The following SORBS2 variants were observed in gnomAD, a reference collection of about 807,000 sequenced individuals.
SORBS2 encodes sorbin and SH3 domain-containing protein 2.
Under a neutral mutation model 97.7 loss-of-function variants are expected in SORBS2, and 46 were observed. The observed-to-expected ratio is 0.47, with a 90% CI of 0.37 to 0.60. The LOEUF (loss-of-function observed/expected upper bound fraction) is 0.60. SORBS2 is among the 20% of genes least tolerant of loss of function. The probability of loss-of-function intolerance (pLI) is 0.00; values close to 1 mark genes in which losing one functional copy is unlikely to be tolerated. For missense variants in SORBS2, 1,316 were observed against 1,282.3 expected (o/e 1.03, Z -0.40); for synonymous variants, 476 against 473.4 (o/e 1.01, Z -0.07).
rs186654187 is a variant in SORBS2, at chr4:185,809,738, A to C, written c.-337-34372T>G. 3.9e-5 allele frequency among the ~76,000 whole-genome samples: 6 copies of C among 152,316 alleles called. No individual in the cohort carries two copies. In the East Asian group the frequency reaches 1.2e-3, roughly 29 times the overall value. ...TAAAAGGTTACTAAAATAGGAAAGA[A>C]CTTGCACAGGTATAAAGTGTGTGCC... On this transcript the variant is annotated intron_variant, in intron 1 of 20. Coordinates refer to the SORBS2 transcript ENST00000284776.
chr4:185,856,623 C>T (rs1205742216), intron 1 of SORBS2, among the ~76,000 whole-genome samples: 1 of 151,828 alleles, frequency 6.6e-6, no homozygotes, highest in African/African-American at 2.4e-5. Context: ...TGAAATATGC[C>T]CCAAATTTAA....
chr4:185,786,546 A>G (rs1263501740), intron 1 of SORBS2, among the ~76,000 whole-genome samples: 4 of 152,206 alleles, frequency 2.6e-5, no homozygotes, highest in Admixed American at 2.0e-4. Context: ...TTACATTCCA[A>G]GGAAAGAACT....
chr4:185,823,939 A>C (rs1331506378), intron 1 of SORBS2, among the ~76,000 whole-genome samples: 1 of 152,216 alleles, frequency 6.6e-6, no homozygotes, highest in Non-Finnish European at 1.5e-5. Context: ...AAGTCACCTT[A>C]AAGATAGCAG....
At chr4:185,899,670 A>T (rs2099246656) in intron 1 of SORBS2, among the ~76,000 whole-genome samples, 1 of 152,202 alleles carries the variant, frequency 6.6e-6, no homozygotes, top group Admixed American at 6.5e-5. Context: ...CAAGGGCTTG[A>T]TATCCAGAGT....
At chr4:185,624,249 C>G (rs762729043) in exon 7 of SORBS2, 4 of 1,614,180 alleles carry the variant, frequency 2.5e-6, no homozygotes, top group East Asian at 4.5e-5. Flanking sequence ...TCGCAGTCGT[C>G]GTTTAGGAGA....
At chr4:185,688,769 T>G (rs747300765) in intron 2 of SORBS2, among the ~76,000 whole-genome samples, 73 of 116,950 alleles carry the variant, frequency 6.2e-4, no homozygotes, top group Non-Finnish European at 1.2e-3. Context: ...ACATATATAT[T>G]TAAAAGTGGT....
chr4:185,611,706 A>G, intron 12 of SORBS2, 74 bp downstream of exon 24: 1 of 1,177,014 alleles, frequency 8.5e-7, no homozygotes, highest in Non-Finnish European at 1.3e-6. Context: ...CTAATCTAAT[A>G]TCCTAAAGTC....
At chr4:185,855,440 T>C (rs140644853) in intron 1 of SORBS2, among the ~76,000 whole-genome samples, 280 of 152,130 alleles carry the variant, frequency 1.8e-3, no homozygotes, top group African/African-American at 6.4e-3. Context: ...ACATAAGCAC[T>C]TTACACCGAG....
At chr4:185,860,149 G>C (rs2099222878) in intron 1 of SORBS2, among the ~76,000 whole-genome samples, 1 of 152,184 alleles carries the variant, frequency 6.6e-6, no homozygotes, top group Non-Finnish European at 1.5e-5. Flanking sequence ...AGCAAATGGA[G>C]ATGGAGAAGA....
chr4:185,827,372 T>C (rs866304812), intron 1 of SORBS2, among the ~76,000 whole-genome samples: 1,524 of 4,730 alleles, frequency 0.32, 566 homozygotes, highest in Non-Finnish European at 0.49. Context: ...ATCATCATCA[T>C]CATCATCATC....
intron 1 of SORBS2, among the ~76,000 whole-genome samples, chr4:185,878,883 T>C (rs9994907): frequency 0.76 from 115,720 of 152,092 alleles, 44,169 homozygotes; most frequent in African/African-American, 0.82. Context: ...TGTGTGGCAG[T>C]AGGCCCATCT....
rs1377737646 is a variant in SORBS2 at position 185,607,506 on chromosome 4, T to G, written c.2796+4274A>C. On this transcript the variant is annotated intron_variant, in intron 12 of 14. Coordinates refer to ENST00000418609, the Ensembl canonical transcript of SORBS2. The surrounding 1 kb of genome is among the most constrained non-coding windows in gnomAD (Gnocchi z 5.2). Reference sequence around the variant, plus strand: ...CATAGATTTGAAGACATTTAGAAGATATCTAGATTTGAAGGTATTTTGCTG... The same window carrying G: ...CATAGATTTGAAGACATTTAGAAGAGATCTAGATTTGAAGGTATTTTGCTG... Among the ~76,000 whole-genome samples the G allele has an allele frequency of 6.6e-6, 1 of 152,202 alleles. No homozygotes were observed. The highest frequency in any genetic ancestry group is 1.5e-5 in the Non-Finnish European group (1 of 68,044).
intron 2 of SORBS2, among the ~76,000 whole-genome samples, chr4:185,764,823 C>G (rs1045436842): frequency 6.6e-6 from 1 of 152,104 alleles, no homozygotes; most frequent in Non-Finnish European, 1.5e-5. Context: ...ATAGAAGATA[C>G]TAATTCAATT....
chr4:185,637,678 C>T (rs1425135216), intron 4 of SORBS2, among the ~76,000 whole-genome samples: 1 of 152,126 alleles, frequency 6.6e-6, no homozygotes, highest in Non-Finnish European at 1.5e-5. Flanking sequence ...AGCCCGCACT[C>T]TCCAGGTGCC....
chr4:185,675,661 A>T (rs2097780160), intron 4 of SORBS2, among the ~76,000 whole-genome samples: 1 of 152,164 alleles, frequency 6.6e-6, no homozygotes. Context: ...AATTATTAAT[A>T]AACATAAACA....
At chr4:185,635,204 A>G (rs1330301983) in intron 4 of SORBS2, 151 bp downstream of exon 16, 2 of 618,530 alleles carry the variant, frequency 3.2e-6, no homozygotes, top group Non-Finnish European at 5.7e-6. Context: ...TGTCCAGGCA[A>G]TGATACTGGA....
intron 2 of SORBS2, among the ~76,000 whole-genome samples, chr4:185,754,233 T>C (rs1247333024): frequency 2.6e-5 from 4 of 152,022 alleles, no homozygotes; most frequent in Non-Finnish European, 4.4e-5. Flanking sequence ...CAAGTATAAG[T>C]GGGAGCTAAA....
intron 1 of SORBS2, among the ~76,000 whole-genome samples, chr4:185,865,492 T>C (rs1428159176): frequency 6.6e-6 from 1 of 151,966 alleles, no homozygotes; most frequent in Non-Finnish European, 1.5e-5. Flanking sequence ...GAGAACTGGT[T>C]AAAAAACAAC....
intron 2 of SORBS2, among the ~76,000 whole-genome samples, chr4:185,695,076 A>G (rs1046144557): frequency 6.6e-6 from 1 of 151,980 alleles, no homozygotes; most frequent in African/African-American, 2.4e-5. Flanking sequence ...TGTGTTCTCA[A>G]TACGTATAAG....
Sources: gnomAD v4.1 joint callset for allele counts (sites outside exome capture counted in the v4.1 genomes callset) on GRCh38, gnomAD v4.1.1 for gene constraint, Gnocchi (gnomAD v3.1) non-coding constraint, MANE v1.5 for transcripts, NCBI Gene and HGNC (gene_info 2026-07-23, HGNC 2026-07-21) for gene names.